NRXN1: variants seen among roughly 807,000 people sequenced by gnomAD.
NRXN1 encodes the protein neurexin 1.
NRXN1 carries 39 observed loss-of-function variants against 150.9 expected under a neutral mutation model. The ratio of observed to expected loss-of-function variants is 0.26; its 90% CI spans 0.20 to 0.34. NRXN1 has a LOEUF of 0.34. Among genes scored for constraint, NRXN1 ranks in the 10% least tolerant of loss-of-function variants. NRXN1 has a pLI of 1.00. For missense variants in NRXN1, 1,815 were observed against 1,949.9 expected (o/e 0.93, Z 1.30); for synonymous variants, 924 against 757.0 (o/e 1.22, Z -3.62).
At chr2:50,800,357 C>G (rs559017726) in intron 5 of NRXN1, among the ~76,000 whole-genome samples, 1 of 152,076 alleles carries the variant, frequency 6.6e-6, no homozygotes, top group Non-Finnish European at 1.5e-5. Flanking sequence ...TTACATTGCA[C>G]TTTGCATTTT....
chr2:50,829,058 C>T (rs2105875350), intron 5 of NRXN1, among the ~76,000 whole-genome samples: 1 of 152,326 alleles, frequency 6.6e-6, no homozygotes, highest in South Asian at 2.1e-4. Flanking sequence ...AAAACCCCGT[C>T]TCCACCAAAA....
chr2:50,040,224 A>G (rs1415312607), intron 21 of NRXN1, among the ~76,000 whole-genome samples: 3 of 152,086 alleles, frequency 2.0e-5, no homozygotes, highest in Non-Finnish European at 2.9e-5. Flanking sequence ...AAATATCTTT[A>G]GCTTACTAAT....
chr2:50,386,911 A>G (rs2081364701), intron 17 of NRXN1, among the ~76,000 whole-genome samples: 1 of 152,170 alleles, frequency 6.6e-6, no homozygotes, highest in Admixed American at 6.5e-5. Context: ...AATTATACCT[A>G]TGCCTTATAC....
At chr2:50,071,612 T>C (rs538813061) in intron 19 of NRXN1, among the ~76,000 whole-genome samples, 11 of 152,322 alleles carry the variant, frequency 7.2e-5, no homozygotes, top group African/African-American at 2.6e-4. Flanking sequence ...CTACTTGATT[T>C]TGGACTTCCA....
intron 5 of NRXN1, among the ~76,000 whole-genome samples, chr2:50,785,405 C>G (rs1368835462): frequency 6.6e-6 from 1 of 151,876 alleles, no homozygotes; most frequent in Non-Finnish European, 1.5e-5. Flanking sequence ...CCTGCCACCA[C>G]GCCTGGGTAA....
chr2:50,260,365 T>G (rs2068125445), intron 17 of NRXN1, among the ~76,000 whole-genome samples: 1 of 151,910 alleles, frequency 6.6e-6, no homozygotes, highest in Non-Finnish European at 1.5e-5. Flanking sequence ...GTGAAAACAG[T>G]ATAAATGGTG....
At chr2:50,032,784 G>C (rs565723248) in intron 21 of NRXN1, among the ~76,000 whole-genome samples, 22 of 151,992 alleles carry the variant, frequency 1.4e-4, no homozygotes, top group Non-Finnish European at 2.5e-4. Flanking sequence ...CTCAGAGAGG[G>C]TGGCTGTCTG....
At chr2:50,493,325 C>G in intron 15 of NRXN1, among the ~76,000 whole-genome samples, 1 of 152,136 alleles carries the variant, frequency 6.6e-6, no homozygotes, top group East Asian at 1.9e-4. Flanking sequence ...CCTCGTTGCT[C>G]TTGCTCACCC....
intron 5 of NRXN1, among the ~76,000 whole-genome samples, chr2:50,734,319 G>C (rs907574339): frequency 4.6e-5 from 7 of 152,264 alleles, no homozygotes; most frequent in Non-Finnish European, 1.0e-4. Flanking sequence ...GTGCATGCTA[G>C]TAGTGCCTCT....
intron 18 of NRXN1, among the ~76,000 whole-genome samples, chr2:50,175,771 A>G (rs1199674366): frequency 6.6e-6 from 1 of 152,188 alleles, no homozygotes; most frequent in African/African-American, 2.4e-5. Context: ...AGCAAAAAAT[A>G]AAAGAGAAAT....
At chr2:50,644,902 C>A in intron 5 of NRXN1, among the ~76,000 whole-genome samples, 1 of 145,884 alleles carries the variant, frequency 6.9e-6, no homozygotes. Flanking sequence ...TTCAAATGCA[C>A]AGCTCTTATA....
chr2:50,950,435 T>C (rs1691124357), intron 2 of NRXN1, among the ~76,000 whole-genome samples: 1 of 152,230 alleles, frequency 6.6e-6, no homozygotes, highest in African/African-American at 2.4e-5. Flanking sequence ...GTGTCTGAAT[T>C]TCTTCCGTTA....
chr2:50,851,465 T>C (rs1273873411), intron 5 of NRXN1, among the ~76,000 whole-genome samples: 2 of 152,170 alleles, frequency 1.3e-5, no homozygotes, highest in Non-Finnish European at 2.9e-5. Context: ...GTTGTCTGTC[T>C]TGCTGCAATG....
At chr2:50,252,564 A>G (rs2067230558) in intron 17 of NRXN1, among the ~76,000 whole-genome samples, 1 of 152,082 alleles carries the variant, frequency 6.6e-6, no homozygotes. Flanking sequence ...CAGCACATTT[A>G]TATCTTTAAT....
At chr2:50,297,143 C>T (rs1471536013) in intron 17 of NRXN1, among the ~76,000 whole-genome samples, 1 of 152,062 alleles carries the variant, frequency 6.6e-6, no homozygotes, top group Non-Finnish European at 1.5e-5. Context: ...CCCGCCTCAG[C>T]CTCCCAAAGT....
At chr2:51,002,634 C>A (rs1700217322) in intron 2 of NRXN1, among the ~76,000 whole-genome samples, 1 of 151,840 alleles carries the variant, frequency 6.6e-6, no homozygotes, top group Non-Finnish European at 1.5e-5. Context: ...GGAAAAAATT[C>A]TCTGTAAATA....
chr2:50,650,480 G>A (rs1048748071), intron 5 of NRXN1, among the ~76,000 whole-genome samples: 8 of 152,014 alleles, frequency 5.3e-5, no homozygotes, highest in Non-Finnish European at 1.0e-4. Flanking sequence ...CAATTAATGC[G>A]ACAGCAAACA....
At chr2:50,471,119 T>C (rs2089415747) in intron 16 of NRXN1, among the ~76,000 whole-genome samples, 1 of 151,738 alleles carries the variant, frequency 6.6e-6, no homozygotes, top group Non-Finnish European at 1.5e-5. Context: ...TTAATTTCAG[T>C]AGCTTTAGGT....
intron 17 of NRXN1, among the ~76,000 whole-genome samples, chr2:50,426,029 CA>C (rs1406118054): frequency 6.6e-6 from 1 of 152,174 alleles, no homozygotes; most frequent in East Asian, 1.9e-4. Flanking sequence ...AACATCCTTT[CA>C]AAAGGTAACT....
Sources: gnomAD v4.1 joint callset for allele counts (sites outside exome capture counted in the v4.1 genomes callset) on GRCh38, gnomAD v4.1.1 for gene constraint, MANE v1.5 for transcripts, NCBI Gene and HGNC (gene_info 2026-07-23, HGNC 2026-07-21) for gene names.